SLC14A2: variants seen among roughly 807,000 people sequenced by gnomAD.
SLC14A2 encodes urea transporter 2.
In SLC14A2, 91 loss-of-function variants were observed where a neutral mutation model predicts 104.6. The observed-to-expected ratio is 0.87, with a 90% CI of 0.73 to 1.04. The LOEUF (loss-of-function observed/expected upper bound fraction) is 1.04, where lower values mean the gene tolerates loss of function less well. Among genes scored for constraint, SLC14A2 ranks in the 50% least tolerant of loss-of-function variants. The pLI is 0.00. For synonymous variants in SLC14A2, 476 were observed against 466.4 expected (o/e 1.02, Z -0.27); for missense variants, 1,189 against 1,156.0 (o/e 1.03, Z -0.41).
intron 1 of SLC14A2, among the ~76,000 whole-genome samples, chr18:45,292,714 G>A (rs937481525): frequency 1.1e-4 from 17 of 152,136 alleles, no homozygotes; most frequent in Non-Finnish European, 2.1e-4. Flanking sequence ...TGGTGGGACC[G>A]GCTACATTGG....
Position 45,641,272 on chromosome 18 carries a change from T to C in SLC14A2, c.1055T>C (p.Leu352Pro), listed in dbSNP as rs375215395. The C allele has an allele frequency of 1.9e-6, 3 of 1,614,052 alleles. No individual in the cohort carries two copies. Among genetic ancestry groups the C allele is most frequent in the Admixed American group, 1.7e-5 (1 of 59,998 alleles). ...YTGLWSYNCVLSCIAIGGMFY... is the reference protein window; with the variant it reads ...YTGLWSYNCVPSCIAIGGMFY... ...GGCCTCTGGAGCTACAACTGCGTCC[T>C]CTCCTGCATCGCCATCGGAGGCATG... The change falls in exon 8 of 20, where the codon CTC (leucine) becomes CCC (proline). Residue 352 changes from leucine (L) to proline (P), a missense_variant. Physicochemically the swap from Leu to Pro is moderately conservative, Grantham distance 98. Coordinates refer to ENST00000255226, the MANE Select transcript of SLC14A2 (RefSeq NM_007163.4).
At chr18:45,615,813 G>GT (rs1425802837) in intron 1 of SLC14A2, among the ~76,000 whole-genome samples, 3 of 139,602 alleles carry the variant, frequency 2.1e-5, no homozygotes, top group African/African-American at 8.2e-5. Context: ...ATGTGTAGGG[G>GT]TGTATGTGTG....
intron 1 of SLC14A2, among the ~76,000 whole-genome samples, chr18:45,286,244 A>G (rs78449287): frequency 0.068 from 10,308 of 152,200 alleles, 864 homozygotes; most frequent in African/African-American, 0.2. Flanking sequence ...ACCATGGTTC[A>G]TTATTTCCAT....
intron 2 of SLC14A2, among the ~76,000 whole-genome samples, chr18:45,563,227 G>A (rs1309121817): frequency 6.6e-6 from 1 of 152,146 alleles, no homozygotes; most frequent in Non-Finnish European, 1.5e-5. Flanking sequence ...ACTGGCTCAG[G>A]ATGGGTGCCT....
At chr18:45,474,427 G>C (rs2087317066) in intron 1 of SLC14A2, among the ~76,000 whole-genome samples, 1 of 152,154 alleles carries the variant, frequency 6.6e-6, no homozygotes, top group Non-Finnish European at 1.5e-5. Context: ...TTTTCCTACT[G>C]TTTGGAATAG....
chr18:45,504,178 T>C (rs1598931671), intron 2 of SLC14A2, among the ~76,000 whole-genome samples: 1 of 152,294 alleles, frequency 6.6e-6, no homozygotes, highest in African/African-American at 2.4e-5. Context: ...TATTTTCTTT[T>C]GAAAGATTCT....
intron 1 of SLC14A2, among the ~76,000 whole-genome samples, chr18:45,240,160 A>C (rs796264387): frequency 8.7e-5 from 12 of 138,666 alleles, no homozygotes; most frequent in African/African-American, 3.4e-4. Flanking sequence ...ACAGTGGTGC[A>C]ATCTCGGCTC....
chr18:45,241,593 T>G (rs1256740444), intron 1 of SLC14A2, among the ~76,000 whole-genome samples: 1 of 151,968 alleles, frequency 6.6e-6, no homozygotes, highest in Non-Finnish European at 1.5e-5. Context: ...TCTGGCCTCT[T>G]CTCAGCCTTT....
chr18:45,452,088 A>G (rs913554840), intron 1 of SLC14A2, among the ~76,000 whole-genome samples: 1 of 152,224 alleles, frequency 6.6e-6, no homozygotes, highest in Non-Finnish European at 1.5e-5. Context: ...ATATCTGGTC[A>G]CATGTCCCTT....
At chr18:45,531,457 T>C (rs1177178249) in intron 2 of SLC14A2, among the ~76,000 whole-genome samples, 1 of 152,266 alleles carries the variant, frequency 6.6e-6, no homozygotes, top group East Asian at 1.9e-4. Flanking sequence ...CCAGTGATGA[T>C]GAACATTTTT....
intron 1 of SLC14A2, among the ~76,000 whole-genome samples, chr18:45,240,351 C>T (rs1433507123): frequency 1.3e-5 from 2 of 151,614 alleles, no homozygotes; most frequent in Non-Finnish European, 2.9e-5. Flanking sequence ...CACCTCGGCC[C>T]CCCAAAGCTC....
chr18:45,619,572 A>T (rs2045131720), intron 1 of SLC14A2, among the ~76,000 whole-genome samples: 1 of 152,146 alleles, frequency 6.6e-6, no homozygotes, highest in African/African-American at 2.4e-5. Context: ...CATATTTCTG[A>T]AGGAGAAGAG....
chr18:45,461,618 G>A (rs187754500), intron 1 of SLC14A2, among the ~76,000 whole-genome samples: 5 of 152,288 alleles, frequency 3.3e-5, no homozygotes, highest in African/African-American at 1.2e-4. Flanking sequence ...AAATCCATGT[G>A]CACAGTCAGA....
intron 10 of SLC14A2, among the ~76,000 whole-genome samples, chr18:45,657,962 A>C (rs971870082): frequency 6.6e-6 from 1 of 152,218 alleles, no homozygotes; most frequent in African/African-American, 2.4e-5. Flanking sequence ...TACAAAGCTC[A>C]ACTTCCATGT....
At chr18:45,391,774 T>C (rs1419104807) in intron 1 of SLC14A2, among the ~76,000 whole-genome samples, 1 of 152,206 alleles carries the variant, frequency 6.6e-6, no homozygotes, top group Non-Finnish European at 1.5e-5. Context: ...GATGGGGTTG[T>C]TTGTTTATTT....
At position 45,405,940 on chromosome 18, in the gene SLC14A2, C is replaced by A. The variant is rs563132703; in HGVS notation, c.-124-77293C>A. ...ATGCTAACAGTCATCTAAGCTTCAG[C>A]GAGTTGTAATTTTTTTTACTGGTAG... is the stretch of plus-strand genomic sequence containing the variant. On this transcript the variant is annotated intron_variant, in intron 1 of 20. Coordinates refer to the SLC14A2 transcript ENST00000586448. 4.7e-5 allele frequency among the ~76,000 whole-genome samples: 7 copies of A among 150,448 alleles called. No individual in the cohort carries two copies. In the South Asian group the frequency reaches 1.5e-3, roughly 32 times the overall value.
At chr18:45,273,632 G>A (rs2084673118) in intron 1 of SLC14A2, among the ~76,000 whole-genome samples, 1 of 152,088 alleles carries the variant, frequency 6.6e-6, no homozygotes, top group Non-Finnish European at 1.5e-5. Flanking sequence ...GCACAAACAG[G>A]TGAGCAGAGT....
At chr18:45,416,208 TA>T (rs1431256126) in intron 1 of SLC14A2, among the ~76,000 whole-genome samples, 1 of 151,976 alleles carries the variant, frequency 6.6e-6, no homozygotes, top group Non-Finnish European at 1.5e-5. Flanking sequence ...CACTGTAAAT[TA>T]AACCACTTGA....
chr18:45,339,526 A>G (rs1170792143), intron 1 of SLC14A2, among the ~76,000 whole-genome samples: 1 of 152,156 alleles, frequency 6.6e-6, no homozygotes, highest in Non-Finnish European at 1.5e-5. Context: ...ATACTCATCA[A>G]TCACCTCTAG....
Sources: allele counts gnomAD v4.1 joint callset (sites outside exome capture counted in the v4.1 genomes callset), GRCh38; gene constraint gnomAD v4.1.1; transcripts MANE v1.5; gene names NCBI Gene and HGNC (gene_info 2026-07-23, HGNC 2026-07-21).